Variants in STAU2 observed in about 807,000 individuals in gnomAD.
The protein encoded by STAU2 is double-stranded RNA-binding protein Staufen homolog 2.
In STAU2, 20 loss-of-function variants were observed where a neutral mutation model predicts 65.9. That is an observed-to-expected ratio of 0.30 (90% confidence interval 0.21 to 0.44). STAU2 has a LOEUF of 0.44. STAU2 is among the 20% of genes least tolerant of loss of function. STAU2 has a pLI of 1.00. For missense variants in STAU2, 558 were observed against 683.9 expected (o/e 0.82, Z 2.05); for synonymous variants, 232 against 233.9 (o/e 0.99, Z 0.07).
chr8:73,488,226 A>G (rs559886052), intron 13 of STAU2, among the ~76,000 whole-genome samples: 1 of 152,204 alleles, frequency 6.6e-6, no homozygotes, highest in East Asian at 1.9e-4. Flanking sequence ...AAATAAAATG[A>G]TAAGACTAAA....
intron 13 of STAU2, among the ~76,000 whole-genome samples, chr8:73,516,011 G>GAC (rs899759993): frequency 7.0e-6 from 1 of 143,206 alleles, no homozygotes; most frequent in African/African-American, 2.6e-5. Context: ...ATGACTCATT[G>GAC]AAGCCTCAAA....
intron 3 of STAU2, among the ~76,000 whole-genome samples, chr8:73,726,085 A>T (rs897438676): frequency 1.3e-5 from 2 of 152,090 alleles, no homozygotes; most frequent in Non-Finnish European, 2.9e-5. Context: ...TTTCTACTAA[A>T]CAGAGAACAG....
Position 73,420,895 on chromosome 8 carries a change from A to C in STAU2, c.*477T>G, listed in dbSNP as rs896192143. On this transcript the variant is annotated 3_prime_UTR_variant, in exon 15 of 15. Coordinates refer to ENST00000524300, the MANE Select transcript of STAU2 (RefSeq NM_001164380.2). ...ATAAAAAGAGAAACCATGTGACTCTATATGAAGACAACCATCACATTCCAC... is the reference window on the plus strand; with the variant it reads ...ATAAAAAGAGAAACCATGTGACTCTCTATGAAGACAACCATCACATTCCAC... 1 of 157,362 alleles carries C rather than the reference A, an allele frequency of 6.4e-6. No homozygotes were observed. The highest frequency in any genetic ancestry group is 2.4e-5 in the African/African-American group (1 of 41,514). 9.7% of individuals were successfully genotyped at this position (157,362 alleles called of 1,614,324 possible). A position where few individuals can be genotyped will look rare whatever the true frequency, so the allele number is the denominator to read the frequency against.
intron 10 of STAU2, among the ~76,000 whole-genome samples, chr8:73,598,800 T>C: frequency 6.6e-6 from 1 of 152,118 alleles, no homozygotes; most frequent in East Asian, 1.9e-4. Flanking sequence ...ATTATAAGAA[T>C]TGATTAGATT....
intron 13 of STAU2, among the ~76,000 whole-genome samples, chr8:73,507,971 G>C (rs763968616): frequency 2.0e-5 from 3 of 152,186 alleles, no homozygotes; most frequent in Non-Finnish European, 4.4e-5. Flanking sequence ...GAATTGAAGA[G>C]AGTTAGGGCC....
intron 6 of STAU2, among the ~76,000 whole-genome samples, chr8:73,643,444 T>G (rs1373855712): frequency 6.6e-6 from 1 of 152,206 alleles, no homozygotes; most frequent in Non-Finnish European, 1.5e-5. Flanking sequence ...ACAGTGAATC[T>G]GCATATCCTC....
chr8:73,481,516 C>A (rs9298230), intron 13 of STAU2, among the ~76,000 whole-genome samples: 29,691 of 135,656 alleles, frequency 0.22, 3,930 homozygotes, highest in East Asian at 0.52. Context: ...AACAAAAAAA[C>A]AAAAAAAAAA....
Position 73,688,672 on chromosome 8 carries a change from T to C in STAU2, c.256A>G (p.Asn86Asp), listed in dbSNP as rs372137114. ...GCCATACCTGGGTTATTGTTAACAT[T>C]ACTTTTGGGTGGCTTCTGAACTGGT... ...PKPVQKPPKS[N>D]VNNNPGSITP... Residue 86 changes from asparagine (N) to aspartate (D), a missense_variant, in exon 5 of 15, where the codon AAT becomes GAT. Transcript: ENST00000524300. 1 of 1,614,000 alleles carries C rather than the reference T, an allele frequency of 6.2e-7. No individual in the cohort carries two copies. Among genetic ancestry groups the C allele is most frequent in the Non-Finnish European group, 8.5e-7 (1 of 1,180,032 alleles).
At chr8:73,654,636 T>TC (rs1816163059) in intron 6 of STAU2, among the ~76,000 whole-genome samples, 2 of 6,232 alleles carry the variant, frequency 3.2e-4, no homozygotes, top group South Asian at 8.3e-3. Context: ...CAAGATTGTC[T>TC]CAAAAAAAAA....
In STAU2 at chr8:73,690,328, C is replaced by CAA. The variant is rs56744849; in HGVS notation, c.115-1517_115-1516dup. ...TGGGTGACAGAGCGAGACTCTGTCT[C>CAA]AAAAAAAAAAAAAAAAAAGGAAAAG... On this transcript the variant is annotated intron_variant, in intron 4 of 14. Transcript: ENST00000524300. Among the ~76,000 whole-genome samples, 61 of 58,160 alleles carry CAA rather than the reference C, an allele frequency of 1.0e-3. 1 individual carries two copies. The highest frequency in any genetic ancestry group is 2.9e-3 in the African/African-American group (44 of 15,208). The allele number at this position is 58,160 out of a possible 152,430, so 38.2% of individuals were successfully genotyped here.
intron 13 of STAU2, among the ~76,000 whole-genome samples, chr8:73,516,892 C>CT (rs1822760553): frequency 1.3e-5 from 2 of 152,152 alleles, no homozygotes; most frequent in African/African-American, 4.8e-5. Flanking sequence ...TCCACTATAA[C>CT]TTTCACATCT....
At chr8:73,529,490 T>A (rs1171517744) in intron 13 of STAU2, among the ~76,000 whole-genome samples, 2 of 152,218 alleles carry the variant, frequency 1.3e-5, no homozygotes, top group Admixed American at 1.3e-4. Context: ...ACAGTGACAG[T>A]AAACACACTT....
chr8:73,487,545 G>T (rs896278127), intron 13 of STAU2, among the ~76,000 whole-genome samples: 1 of 152,070 alleles, frequency 6.6e-6, no homozygotes, highest in Non-Finnish European at 1.5e-5. Flanking sequence ...GGTGATAGGA[G>T]ATCTTCTGGT....
At chr8:73,578,135 T>A (rs116133151) in intron 12 of STAU2, among the ~76,000 whole-genome samples, 1,660 of 152,306 alleles carry the variant, frequency 0.011, 36 homozygotes, top group African/African-American at 0.038. Context: ...TATTTCCATT[T>A]TTAAAAAAAA....
chr8:73,664,629 G>A (rs1224074057), intron 6 of STAU2, among the ~76,000 whole-genome samples: 3 of 152,056 alleles, frequency 2.0e-5, no homozygotes, highest in Non-Finnish European at 4.4e-5. Context: ...TGCTTTCCTA[G>A]AATAAACTTC....
Position 73,739,102 on chromosome 8 carries a change from G to A in STAU2, c.-84+654C>T, listed in dbSNP as rs554963819. Among the ~76,000 whole-genome samples, 25 of 151,910 alleles carry A rather than the reference G, an allele frequency of 1.6e-4. No homozygotes were observed. In the South Asian group the frequency reaches 1.7e-3, roughly 10 times the overall value. Reference sequence around the variant, plus strand: ...ACAAAAATTAGCCAGGCATGGTGGCGCGTGCCTGTAATCTCAGCTACTCAG... The same window carrying A: ...ACAAAAATTAGCCAGGCATGGTGGCACGTGCCTGTAATCTCAGCTACTCAG... On this transcript the variant is annotated intron_variant, in intron 2 of 14. Coordinates refer to ENST00000524300, the MANE Select transcript of STAU2 (RefSeq NM_001164380.2).
At chr8:73,724,642 T>C (rs898910227) in intron 3 of STAU2, among the ~76,000 whole-genome samples, 2 of 149,508 alleles carry the variant, frequency 1.3e-5, no homozygotes, top group African/African-American at 2.5e-5. Context: ...TAAGCTATGA[T>C]GTTCAGTAGG....
intron 13 of STAU2, among the ~76,000 whole-genome samples, chr8:73,426,052 C>G (rs1816799927): frequency 1.3e-5 from 2 of 152,168 alleles, no homozygotes; most frequent in Non-Finnish European, 1.5e-5. Context: ...CCCAGCCTCC[C>G]AAAGTATTGG....
At chr8:73,532,016 C>T (rs1805853254) in intron 13 of STAU2, among the ~76,000 whole-genome samples, 1 of 152,104 alleles carries the variant, frequency 6.6e-6, no homozygotes, top group Non-Finnish European at 1.5e-5. Context: ...TTAATAGACC[C>T]CCTCTGAGTC....
Sources: allele counts gnomAD v4.1 joint callset (sites outside exome capture counted in the v4.1 genomes callset), GRCh38; gene constraint gnomAD v4.1.1; transcripts MANE v1.5; gene names NCBI Gene and HGNC (gene_info 2026-07-23, HGNC 2026-07-21).